Variants in HPD observed in about 807,000 individuals in gnomAD.
HPD encodes 4-hydroxyphenylpyruvic acid oxidase.
A neutral mutation model predicts 56.9 loss-of-function variants in HPD; 35 were observed. The ratio of observed to expected loss-of-function variants is 0.62; its 90% confidence interval spans 0.47 to 0.82. The LOEUF (loss-of-function observed/expected upper bound fraction) is 0.82, where lower values mean the gene tolerates loss of function less well. HPD is among the 40% of genes least tolerant of loss of function. The pLI is 0.00. For synonymous variants in HPD, 186 were observed against 200.2 expected (o/e 0.93, Z 0.60); for missense variants, 442 against 506.8 (o/e 0.87, Z 1.23).
At chr12:121,842,858 C>T (rs1877455747) in intron 12 of HPD, among the ~76,000 whole-genome samples, 1 of 150,614 alleles carries the variant, frequency 6.6e-6, no homozygotes, top group South Asian at 2.1e-4. Flanking sequence ...AGTGATTCTC[C>T]TGCCTCAGCC....
At chr12:121,855,024 T>C (rs1877943674) in intron 6 of HPD, among the ~76,000 whole-genome samples, 1 of 152,094 alleles carries the variant, frequency 6.6e-6, no homozygotes, top group South Asian at 2.1e-4. Flanking sequence ...ACAAACTAGG[T>C]AGGGATGGGT....
chr12:121,881,829 A>ATTTTTTTTT, the HPD span, among the ~76,000 whole-genome samples: 1 of 97,250 alleles, frequency 1.0e-5, no homozygotes. Context: ...TGTATTTTTA[A>ATTTTTTTTT]TAGAGACAGG....
chr12:121,863,364 G>A (rs1878235319), upstream of HPD, among the ~76,000 whole-genome samples: 1 of 152,206 alleles, frequency 6.6e-6, no homozygotes, highest in African/African-American at 2.4e-5. Flanking sequence ...GTACATCACA[G>A]GGACCGTGAT....
intron 12 of HPD, among the ~76,000 whole-genome samples, chr12:121,840,356 G>A (rs763289602): frequency 9.2e-5 from 14 of 151,990 alleles, no homozygotes; most frequent in Non-Finnish European, 1.5e-4. Flanking sequence ...GCTGGAGTGC[G>A]GTGGCGCAAT....
intron 3 of HPD, 21 bp from the exon 4 acceptor site, chr12:121,857,453 AG>A: frequency 6.5e-7 from 1 of 1,533,318 alleles, no homozygotes; most frequent in Non-Finnish European, 9.0e-7. Flanking sequence ...GGGTTGCAGC[AG>A]GGTTCATGAG....
At chr12:121,854,457 A>G (rs1163047146) in intron 7 of HPD, among the ~76,000 whole-genome samples, 1 of 152,108 alleles carries the variant, frequency 6.6e-6, no homozygotes, top group Non-Finnish European at 1.5e-5. Context: ...TCCCTTCTTC[A>G]GAGCCCCTGC....
chr12:121,839,942 TG>T lies in HPD; in HGVS notation c.1060del (p.His354ThrfsTer102), dbSNP rs1207563580. 1.2e-6 allele frequency: 2 copies of T among 1,613,626 alleles called. No homozygotes were observed. Among genetic ancestry groups the T allele is most frequent in the African/African-American group, 2.7e-5 (2 of 74,892 alleles). ...GGGGACAAGCAGTACCTGGTGGTTG[TG>T]GCGCTGGATGACTTCCAGGAAGAGC... ...PTLFLEVIQRHNHQGFGAGNF... is the reference protein window; with the variant it reads ...PTLFLEVIQRXNHQGFGAGNF... On this transcript the variant is annotated frameshift_variant, in exon 13 of 14. Coordinates refer to ENST00000289004, the MANE Select transcript of HPD (RefSeq NM_002150.3). LOFTEE classifies it high-confidence loss of function.
At chr12:121,849,951 G>A in intron 7 of HPD, 161 bp from the exon 8 acceptor site, 1 of 664,418 alleles carries the variant, frequency 1.5e-6, no homozygotes, top group Non-Finnish European at 2.8e-6. Context: ...GAAATGAATT[G>A]CAATCTGTCA....
the HPD span, among the ~76,000 whole-genome samples, chr12:121,888,272 A>G: frequency 6.6e-6 from 1 of 152,296 alleles, no homozygotes; most frequent in South Asian, 2.1e-4. Context: ...TATGAGATAG[A>G]TTGCTATCAA....
At chr12:121,873,144 T>C in the HPD span, among the ~76,000 whole-genome samples, 1 of 152,174 alleles carries the variant, frequency 6.6e-6, no homozygotes, top group Non-Finnish European at 1.5e-5. Context: ...AAAATAAAGT[T>C]GACTGATTTT....
At chr12:121,880,199 TTTTC>T in the HPD span, among the ~76,000 whole-genome samples, 4 of 151,954 alleles carry the variant, frequency 2.6e-5, no homozygotes, top group African/African-American at 7.2e-5. Flanking sequence ...ATGATTTCTT[TTTTC>T]TTTCTTTCTT....
upstream of HPD, among the ~76,000 whole-genome samples, chr12:121,868,059 C>T (rs1334229798): frequency 2.0e-5 from 3 of 152,142 alleles, no homozygotes; most frequent in South Asian, 2.1e-4. Context: ...CACAGTGGCT[C>T]ATGCTTATAA....
chr12:121,856,097 A>G (rs1039358335), intron 6 of HPD, among the ~76,000 whole-genome samples: 3 of 151,962 alleles, frequency 2.0e-5, no homozygotes, highest in East Asian at 3.9e-4. Flanking sequence ...ACACGGGGGA[A>G]GGCAGGGCAC....
the HPD span, among the ~76,000 whole-genome samples, chr12:121,877,718 T>C: frequency 1.3e-5 from 2 of 151,648 alleles, no homozygotes; most frequent in Non-Finnish European, 2.9e-5. Flanking sequence ...GGGTGACGGA[T>C]TGAGACTCTG....
chr12:121,854,700 C>T lies in HPD; in HGVS notation c.414+3G>A. ...AGGGGTGGGGGCACCAAAGGGAACT[C>T]ACCGTCTGCAGCACAGCAAACTTCA... On this transcript the variant is annotated splice_donor_region_variant and intron_variant, in intron 7 of 13. Coordinates refer to ENST00000289004, the MANE Select transcript of HPD (RefSeq NM_002150.3). 6.2e-7 allele frequency: 1 copy of T among 1,609,720 alleles called. No individual in the cohort carries two copies. The highest frequency in any genetic ancestry group is 8.5e-7 in the Non-Finnish European group (1 of 1,175,998).
At chr12:121,877,723 A>G in the HPD span, among the ~76,000 whole-genome samples, 4 of 151,414 alleles carry the variant, frequency 2.6e-5, no homozygotes, top group Admixed American at 6.6e-5. Flanking sequence ...ACGGATTGAG[A>G]CTCTGTCTCA....
At chr12:121,872,076 CAAA>C in the HPD span, among the ~76,000 whole-genome samples, 1 of 137,772 alleles carries the variant, frequency 7.3e-6, no homozygotes. Flanking sequence ...ACTAAAAATA[CAAA>C]AAAAAAAAAA....
the HPD span, among the ~76,000 whole-genome samples, chr12:121,881,643 T>G: frequency 1.3e-5 from 2 of 151,570 alleles, no homozygotes; most frequent in South Asian, 2.1e-4. Context: ...TTTGTTTTTT[T>G]GTTTGTTTGT....
chr12:121,877,368 A>G, the HPD span, among the ~76,000 whole-genome samples: 18 of 152,208 alleles, frequency 1.2e-4, no homozygotes, highest in African/African-American at 4.1e-4. Flanking sequence ...AGATTTTTAC[A>G]AATGAGAGGG....
Sources: allele counts gnomAD v4.1 joint callset (sites outside exome capture counted in the v4.1 genomes callset), GRCh38; gene constraint gnomAD v4.1.1; transcripts MANE v1.5; gene names NCBI Gene and HGNC (gene_info 2026-07-23, HGNC 2026-07-21).